Variants in PARD3B observed in about 807,000 individuals in gnomAD.
PARD3B encodes partitioning defective 3 homolog B.
A neutral mutation model predicts 130.2 loss-of-function variants in PARD3B; 103 were observed. The observed-to-expected ratio is 0.79, with a 90% confidence interval of 0.67 to 0.93. The LOEUF is 0.93. Ranked by LOEUF, PARD3B falls within the 40% of genes least tolerant of loss-of-function variation. The probability of loss-of-function intolerance (pLI) is 0.00; values close to 1 mark genes in which losing one functional copy is unlikely to be tolerated. For synonymous variants in PARD3B, 583 were observed against 553.2 expected (o/e 1.05, Z -0.76); for missense variants, 1,609 against 1,499.2 (o/e 1.07, Z -1.21).
intron 2 of PARD3B, among the ~76,000 whole-genome samples, chr2:204,721,077 C>T (rs1346158190): frequency 2.0e-5 from 3 of 152,142 alleles, no homozygotes; most frequent in Non-Finnish European, 4.4e-5. Flanking sequence ...GTCATGAGAT[C>T]TCACCTCGCT....
chr2:205,465,511 C>T (rs1409738373), intron 20 of PARD3B, among the ~76,000 whole-genome samples: 1 of 152,050 alleles, frequency 6.6e-6, no homozygotes, highest in Non-Finnish European at 1.5e-5. Flanking sequence ...CTTTTTTCCC[C>T]TATGTGTGTA....
chr2:205,566,140 G>A (rs553066234), intron 22 of PARD3B, among the ~76,000 whole-genome samples: 37 of 152,328 alleles, frequency 2.4e-4, no homozygotes, highest in Admixed American at 7.8e-4. Flanking sequence ...TGGGAGTTGA[G>A]CAGGAAAGGG....
At chr2:205,154,898 G>T (rs1046192234) in intron 10 of PARD3B, among the ~76,000 whole-genome samples, 2 of 152,138 alleles carry the variant, frequency 1.3e-5, no homozygotes, top group Non-Finnish European at 2.9e-5. Context: ...CTGTTGTGGG[G>T]TGGGGGCCTG....
At chr2:205,305,556 T>C (rs1239420669) in intron 18 of PARD3B, among the ~76,000 whole-genome samples, 2 of 152,214 alleles carry the variant, frequency 1.3e-5, no homozygotes, top group African/African-American at 4.8e-5. Context: ...GTTAACCATC[T>C]TGATGATAAT....
chr2:205,415,489 A>G (rs963913172), intron 19 of PARD3B, among the ~76,000 whole-genome samples: 6 of 152,096 alleles, frequency 3.9e-5, no homozygotes, highest in Non-Finnish European at 8.8e-5. Context: ...GAAAACTGAC[A>G]TTATGCTAAA....
intron 20 of PARD3B, among the ~76,000 whole-genome samples, chr2:205,498,778 G>A (rs1434092960): frequency 6.6e-6 from 1 of 152,110 alleles, no homozygotes; most frequent in Admixed American, 6.6e-5. Flanking sequence ...ATCCTTCAGG[G>A]CTCAGCTGAA....
At chr2:205,243,539 C>T (rs1428109858) in intron 15 of PARD3B, among the ~76,000 whole-genome samples, 1 of 152,202 alleles carries the variant, frequency 6.6e-6, no homozygotes, top group Admixed American at 6.5e-5. Context: ...TCATCAATTT[C>T]AAAACATGTT....
chr2:205,527,706 T>G (rs1299962782), intron 21 of PARD3B, among the ~76,000 whole-genome samples: 5 of 152,186 alleles, frequency 3.3e-5, no homozygotes, highest in Non-Finnish European at 7.3e-5. Context: ...CCTTTCATTC[T>G]TCGTATCCGA....
chr2:205,023,454 T>A (rs1408269918), intron 3 of PARD3B, among the ~76,000 whole-genome samples: 1 of 9,014 alleles, frequency 1.1e-4, no homozygotes, highest in African/African-American at 2.1e-4. Flanking sequence ...GCCCACACCT[T>A]TTTTTTTTTT....
At chr2:205,248,855 C>T (rs533542675) in intron 16 of PARD3B, among the ~76,000 whole-genome samples, 165 of 152,062 alleles carry the variant, frequency 1.1e-3, no homozygotes, top group South Asian at 2.9e-3. Context: ...GATCCGCCCG[C>T]CTCGGCCTCC....
intron 2 of PARD3B, among the ~76,000 whole-genome samples, chr2:204,880,657 C>CAAAAA (rs746023895): frequency 4.7e-4 from 26 of 55,416 alleles, no homozygotes; most frequent in South Asian, 7.2e-4. Context: ...GACTCCATCT[C>CAAAAA]AAAAAAAAAA....
chr2:205,219,720 G>A (rs574477931), intron 15 of PARD3B, among the ~76,000 whole-genome samples: 8 of 152,138 alleles, frequency 5.3e-5, no homozygotes, highest in Non-Finnish European at 1.0e-4. Context: ...GGAAAGTTCT[G>A]GGTAGCTTGA....
chr2:204,748,704 A>G (rs1021103372), intron 2 of PARD3B, among the ~76,000 whole-genome samples: 2 of 152,124 alleles, frequency 1.3e-5, no homozygotes, highest in African/African-American at 2.4e-5. Context: ...ATTTTTAACA[A>G]GTTCCTAACT....
intron 1 of PARD3B, among the ~76,000 whole-genome samples, chr2:204,649,884 C>A (rs1278069994): frequency 6.6e-6 from 1 of 152,146 alleles, no homozygotes; most frequent in Non-Finnish European, 1.5e-5. Flanking sequence ...ATGCCGGAGG[C>A]AATTCCGATT....
At chr2:205,018,749 A>AAAAAAAAAAC (rs1559359658) in intron 3 of PARD3B, among the ~76,000 whole-genome samples, 1 of 120,026 alleles carries the variant, frequency 8.3e-6, no homozygotes, top group Non-Finnish European at 1.8e-5. Flanking sequence ...AAAAAAAAAA[A>AAAAAAAAAAC]AGCACGCTGA....
intron 2 of PARD3B, among the ~76,000 whole-genome samples, chr2:204,880,453 A>C (rs1429671224): frequency 6.6e-6 from 1 of 152,024 alleles, no homozygotes; most frequent in Non-Finnish European, 1.5e-5. Context: ...CGAGGTCAGG[A>C]GATCGAGACC....
intron 2 of PARD3B, among the ~76,000 whole-genome samples, chr2:204,945,790 T>A (rs1689272604): frequency 6.6e-6 from 1 of 152,208 alleles, no homozygotes; most frequent in South Asian, 2.1e-4. Context: ...TTCAAGGTCC[T>A]TTGCTTTCTG....
At position 205,105,368 on chromosome 2, in the gene PARD3B, C is replaced by T. The variant is rs1192967649; in HGVS notation, c.593+854C>T. On this transcript the variant is annotated intron_variant, in intron 5 of 22. Transcript: ENST00000406610. The surrounding 1 kb of genome is among the most constrained non-coding windows in gnomAD (Gnocchi z 4.0). ...TCTAATCATCATTTTGTTTAACGCACTTCAAATTTGGCATAAGGAAAATAA... is the reference window on the plus strand; with the variant it reads ...TCTAATCATCATTTTGTTTAACGCATTTCAAATTTGGCATAAGGAAAATAA... Among the ~76,000 whole-genome samples the T allele has an allele frequency of 2.0e-5, 3 of 152,156 alleles. No homozygotes were observed. Among genetic ancestry groups the T allele is most frequent in the Non-Finnish European group, 2.9e-5 (2 of 68,022 alleles).
intron 18 of PARD3B, among the ~76,000 whole-genome samples, chr2:205,399,711 A>G: frequency 6.6e-6 from 1 of 152,148 alleles, no homozygotes; most frequent in East Asian, 1.9e-4. Context: ...AGTACAAAAC[A>G]TATATGGTAT....
Sources: gnomAD v4.1 joint callset for allele counts (sites outside exome capture counted in the v4.1 genomes callset) on GRCh38, gnomAD v4.1.1 for gene constraint, Gnocchi (gnomAD v3.1) non-coding constraint, MANE v1.5 for transcripts, NCBI Gene and HGNC (gene_info 2026-07-23, HGNC 2026-07-21) for gene names.